PTPRT: variants seen among roughly 807,000 people sequenced by gnomAD.
PTPRT encodes the protein protein tyrosine phosphatase receptor type T, also known as receptor-type tyrosine-protein phosphatase T.
In PTPRT, 56 loss-of-function variants were observed where a neutral mutation model predicts 176.8. The ratio of observed to expected loss-of-function variants is 0.32; its 90% CI spans 0.26 to 0.40. The LOEUF (loss-of-function observed/expected upper bound fraction) is 0.40, where lower values mean the gene tolerates loss of function less well. Among genes scored for constraint, PTPRT ranks in the 10% least tolerant of loss-of-function variants. The probability of loss-of-function intolerance (pLI) is 1.00; values close to 1 mark genes in which losing one functional copy is unlikely to be tolerated. For missense variants in PTPRT, 1,540 were observed against 1,908.2 expected (o/e 0.81, Z 3.60); for synonymous variants, 783 against 739.0 (o/e 1.06, Z -0.96).
rs183231241 is a variant in PTPRT at position 43,144,979 on chromosome 20, T to C, written c.88+44667A>G. Among the ~76,000 whole-genome samples the C allele has an allele frequency of 1.8e-4, 27 of 152,316 alleles. No individual in the cohort carries two copies. The East Asian group carries it at 4.8e-3, about 27-fold the overall frequency. ...CTGTCAACTCTGTGCTCCAGCCACATTGGGCATTTTGTTCCCACAACATGC... is the reference window on the plus strand; with the variant it reads ...CTGTCAACTCTGTGCTCCAGCCACACTGGGCATTTTGTTCCCACAACATGC... On this transcript the variant is annotated intron_variant, in intron 1 of 30. Coordinates refer to ENST00000373187, the MANE Select transcript of PTPRT (RefSeq NM_007050.6).
chr20:42,645,985 A>T (rs990144835), intron 7 of PTPRT, among the ~76,000 whole-genome samples: 2 of 151,860 alleles, frequency 1.3e-5, no homozygotes, highest in African/African-American at 4.8e-5. Context: ...AGCACCTACC[A>T]CTCTTCCTGG....
At chr20:42,048,649 T>TA in the PTPRT span, among the ~76,000 whole-genome samples, 1 of 152,258 alleles carries the variant, frequency 6.6e-6, no homozygotes, top group East Asian at 1.9e-4. Context: ...AGAATGCCTC[T>TA]AGATGATTTT....
intron 19 of PTPRT, among the ~76,000 whole-genome samples, chr20:42,127,177 G>A (rs1397220199): frequency 6.6e-6 from 1 of 152,206 alleles, no homozygotes; most frequent in Non-Finnish European, 1.5e-5. Context: ...TGGGAGAACA[G>A]GAGAGGGAGA....
chr20:42,123,982 G>A (rs1045583401), intron 19 of PTPRT, among the ~76,000 whole-genome samples: 1 of 152,162 alleles, frequency 6.6e-6, no homozygotes, highest in Non-Finnish European at 1.5e-5. Context: ...GCACCTACAA[G>A]TCAGCCTGGG....
intron 18 of PTPRT, among the ~76,000 whole-genome samples, chr20:42,139,006 T>G (rs1345236887): frequency 6.6e-6 from 1 of 152,244 alleles, no homozygotes; most frequent in African/African-American, 2.4e-5. Context: ...TTTCTATTTA[T>G]CAAGCCTCGG....
At position 42,618,967 on chromosome 20, in the gene PTPRT, A is replaced by G. The variant is rs2074135113; in HGVS notation, c.1153+58899T>C. On this transcript the variant is annotated intron_variant, in intron 7 of 30. Coordinates refer to ENST00000373187, the MANE Select transcript of PTPRT (RefSeq NM_007050.6). ...TTAAAGTTAGTATTTTTATATGTGAATTTGATCCTGTCATTATGATGTTAG... is the reference window on the plus strand; with the variant it reads ...TTAAAGTTAGTATTTTTATATGTGAGTTTGATCCTGTCATTATGATGTTAG... Among the ~76,000 whole-genome samples the G allele has an allele frequency of 3.3e-5, 5 of 151,906 alleles. 1 individual carries two copies. In the South Asian group the frequency reaches 1.0e-3, roughly 32 times the overall value.
At chr20:42,999,590 T>TA (rs952981218) in intron 1 of PTPRT, among the ~76,000 whole-genome samples, 39 of 143,074 alleles carry the variant, frequency 2.7e-4, no homozygotes, top group Admixed American at 4.9e-4. Flanking sequence ...ACCCAGTCTC[T>TA]AAAAAAAAAA....
chr20:42,787,479 G>A (rs1194964916), intron 3 of PTPRT, among the ~76,000 whole-genome samples: 1 of 152,136 alleles, frequency 6.6e-6, no homozygotes, highest in Non-Finnish European at 1.5e-5. Context: ...GTGGGTAACT[G>A]TGAGTCTCCT....
At chr20:42,944,613 C>G (rs978345656) in intron 1 of PTPRT, among the ~76,000 whole-genome samples, 1 of 152,172 alleles carries the variant, frequency 6.6e-6, no homozygotes, top group African/African-American at 2.4e-5. Flanking sequence ...CAGCCCAGAG[C>G]CTTTGCACGT....
intron 1 of PTPRT, among the ~76,000 whole-genome samples, chr20:42,980,629 A>G (rs1245746010): frequency 6.6e-6 from 1 of 152,156 alleles, no homozygotes; most frequent in Non-Finnish European, 1.5e-5. Flanking sequence ...TGAAGGAAGG[A>G]GCACGTGAGT....
At chr20:42,998,890 G>A (rs1241449841) in intron 1 of PTPRT, among the ~76,000 whole-genome samples, 1 of 152,178 alleles carries the variant, frequency 6.6e-6, no homozygotes, top group African/African-American at 2.4e-5. Context: ...ACCCTCCTCT[G>A]CACCCCACTG....
At chr20:42,816,423 CT>C (rs2077786909) in intron 2 of PTPRT, among the ~76,000 whole-genome samples, 1 of 152,168 alleles carries the variant, frequency 6.6e-6, no homozygotes, top group African/African-American at 2.4e-5. Context: ...CCACTTTCAA[CT>C]TTTAGAATCA....
At chr20:43,083,343 T>TACACATATATATATAC (rs1568774033) in intron 1 of PTPRT, among the ~76,000 whole-genome samples, 1 of 115,324 alleles carries the variant, frequency 8.7e-6, no homozygotes, top group African/African-American at 3.2e-5. Context: ...TATATATATA[T>TACACATATATATATAC]ATATATATAT....
chr20:42,336,850 C>A (rs140808361), intron 11 of PTPRT, among the ~76,000 whole-genome samples: 81 of 152,256 alleles, frequency 5.3e-4, no homozygotes, highest in African/African-American at 1.9e-3. Flanking sequence ...ACTGCACACA[C>A]ACATACAAAG....
intron 9 of PTPRT, among the ~76,000 whole-genome samples, chr20:42,389,883 G>A (rs2058784144): frequency 6.8e-6 from 1 of 147,876 alleles, no homozygotes; most frequent in Non-Finnish European, 1.5e-5. Flanking sequence ...AGAAAGCCTT[G>A]AGGCTGCCAG....
At chr20:42,374,810 G>T (rs1346102252) in intron 9 of PTPRT, among the ~76,000 whole-genome samples, 1 of 152,098 alleles carries the variant, frequency 6.6e-6, no homozygotes, top group East Asian at 1.9e-4. Context: ...ATTGCTGATG[G>T]GGTTTTATAT....
chr20:42,644,463 T>C (rs549604832), intron 7 of PTPRT, among the ~76,000 whole-genome samples: 13 of 152,180 alleles, frequency 8.5e-5, no homozygotes, highest in Non-Finnish European at 1.6e-4. Context: ...CCTTTGTCTA[T>C]GTTCATGCCC....
intron 11 of PTPRT, among the ~76,000 whole-genome samples, chr20:42,326,430 T>A (rs1385126019): frequency 3.3e-5 from 5 of 152,152 alleles, no homozygotes; most frequent in African/African-American, 1.2e-4. Flanking sequence ...CTAGACCTAA[T>A]ATATTGAAGC....
intron 7 of PTPRT, among the ~76,000 whole-genome samples, chr20:42,576,799 C>T (rs771183026): frequency 1.3e-5 from 2 of 152,118 alleles, no homozygotes; most frequent in Non-Finnish European, 2.9e-5. Flanking sequence ...TATGATTATT[C>T]ATTTATTAAT....
Sources: gnomAD v4.1 joint callset for allele counts (sites outside exome capture counted in the v4.1 genomes callset) on GRCh38, gnomAD v4.1.1 for gene constraint, MANE v1.5 for transcripts, NCBI Gene and HGNC (gene_info 2026-07-23, HGNC 2026-07-21) for gene names.